The following PRKCH variants were observed in gnomAD, a reference collection of about 807,000 sequenced individuals.
PRKCH encodes protein kinase C eta, also known as protein kinase C eta type.
A neutral mutation model predicts 82.5 loss-of-function variants in PRKCH; 28 were observed. The observed-to-expected ratio is 0.34, with a 90% CI of 0.25 to 0.47. The LOEUF (loss-of-function observed/expected upper bound fraction) is 0.47. Among genes scored for constraint, PRKCH ranks in the 20% least tolerant of loss-of-function variants. PRKCH has a pLI of 1.00. For synonymous variants in PRKCH, 322 were observed against 327.4 expected, an observed-to-expected ratio of 0.98 and a Z score of 0.18; for missense variants, 705 against 881.8, an observed-to-expected ratio of 0.80 and a Z score of 2.54.
At chr14:61,290,575 C>T (rs2045352590) in intron 1 of PRKCH, among the ~76,000 whole-genome samples, 1 of 152,164 alleles carries the variant, frequency 6.6e-6, no homozygotes, top group African/African-American at 2.4e-5. Context: ...AAGATGTCCT[C>T]TGAGGGGCAG....
intron 2 of PRKCH, among the ~76,000 whole-genome samples, chr14:61,427,009 C>T (rs570082130): frequency 2.5e-4 from 38 of 152,306 alleles, no homozygotes; most frequent in African/African-American, 6.0e-4. Context: ...GCCCAAGGCA[C>T]AGTCTCAAGA....
intron 1 of PRKCH, among the ~76,000 whole-genome samples, chr14:61,210,318 AAAATAAAT>A (rs1186785328): frequency 1.3e-5 from 2 of 151,158 alleles, no homozygotes; most frequent in African/African-American, 4.9e-5. Context: ...GGTCTCAGAA[AAAATAAAT>A]AAATAAAATG....
At chr14:61,528,832 G>A (rs2043005416) in intron 10 of PRKCH, 1 of 323,284 alleles carries the variant, frequency 3.1e-6, no homozygotes, top group South Asian at 4.8e-5. Flanking sequence ...CCTGTGGTCA[G>A]CCCATTCTTA....
At chr14:61,268,862 T>C (rs184789528) in intron 1 of PRKCH, among the ~76,000 whole-genome samples, 6 of 152,326 alleles carry the variant, frequency 3.9e-5, no homozygotes, top group African/African-American at 1.4e-4. Flanking sequence ...GGCTTTCTGC[T>C]CCAGAAAGAA....
At chr14:61,355,228 A>G (rs1453832820) in intron 1 of PRKCH, among the ~76,000 whole-genome samples, 1 of 152,186 alleles carries the variant, frequency 6.6e-6, no homozygotes, top group Non-Finnish European at 1.5e-5. Flanking sequence ...TTCTGCTAAA[A>G]CTGTTGCTTT....
intron 1 of PRKCH, among the ~76,000 whole-genome samples, chr14:61,377,519 T>G (rs1164939685): frequency 6.6e-6 from 1 of 152,230 alleles, no homozygotes; most frequent in East Asian, 1.9e-4. Context: ...GCAACAGAGA[T>G]GGGCAGATCT....
At chr14:61,320,837 T>A (rs982974098), upstream of PRKCH, among the ~76,000 whole-genome samples, 1 of 152,212 alleles carries the variant, frequency 6.6e-6, no homozygotes, top group African/African-American at 2.4e-5. Flanking sequence ...CGCGTGTGTG[T>A]TGGGGACAGC....
chr14:61,281,847 C>G (rs1488881150), intron 1 of PRKCH: 1 of 137,612 alleles, frequency 7.3e-6, no homozygotes, highest in African/African-American at 2.8e-5. Flanking sequence ...GTTTCGAATT[C>G]AACGCCTGCG....
intron 1 of PRKCH, among the ~76,000 whole-genome samples, chr14:61,250,771 T>G (rs1224905820): frequency 2.0e-5 from 3 of 152,154 alleles, no homozygotes; most frequent in Non-Finnish European, 4.4e-5. Context: ...TCATCGATTG[T>G]AACAAATGTA....
rs72712380 is a variant in PRKCH at position 61,535,528 on chromosome 14, C to T, written c.1761+4933C>T. 6.1e-3 allele frequency among the ~76,000 whole-genome samples: 933 copies of T among 152,210 alleles called. 4 individuals carry two copies. The highest frequency in any genetic ancestry group is 9.0e-3 in the Non-Finnish European group (612 of 68,010). ...AAAGGAGCAGTCCATTTGAGTAGCT[C>T]AATGGCAGGCGGGTTGGAGTGTGAT... On this transcript the variant is annotated intron_variant, in intron 12 of 13. Transcript: ENST00000332981.
At chr14:61,195,732 T>A (rs1364772653) in intron 1 of PRKCH, among the ~76,000 whole-genome samples, 1 of 152,232 alleles carries the variant, frequency 6.6e-6, no homozygotes, top group East Asian at 1.9e-4. Context: ...GGTTGCTTCC[T>A]GGCTTGTAGA....
chr14:61,360,513 A>G (rs543118831), intron 1 of PRKCH, among the ~76,000 whole-genome samples: 83 of 152,126 alleles, frequency 5.5e-4, no homozygotes, highest in African/African-American at 1.8e-3. Flanking sequence ...TCAAAAAAAA[A>G]GAAAAAAGAA....
At chr14:61,296,824 T>A (rs1212238803) in intron 1 of PRKCH, among the ~76,000 whole-genome samples, 1 of 152,224 alleles carries the variant, frequency 6.6e-6, no homozygotes, top group African/African-American at 2.4e-5. Flanking sequence ...TTCAGGTGAT[T>A]GAAGAGTGAA....
intron 12 of PRKCH, among the ~76,000 whole-genome samples, chr14:61,542,064 C>T (rs1004185483): frequency 1.3e-5 from 2 of 151,674 alleles, no homozygotes; most frequent in Non-Finnish European, 1.5e-5. Flanking sequence ...CCGAGGCAGG[C>T]GGATCACTTG....
At chr14:61,369,097 C>T (rs571603892) in intron 1 of PRKCH, among the ~76,000 whole-genome samples, 2 of 152,232 alleles carry the variant, frequency 1.3e-5, no homozygotes, top group South Asian at 4.1e-4. Flanking sequence ...GCAAAATACA[C>T]CATTGGCTGA....
chr14:61,259,638 T>C (rs1485919911), intron 1 of PRKCH, among the ~76,000 whole-genome samples: 1 of 152,230 alleles, frequency 6.6e-6, no homozygotes. Context: ...CACATTATAC[T>C]GTGAGAAACA....
At chr14:61,533,127 A>G (rs2043061672) in intron 12 of PRKCH, among the ~76,000 whole-genome samples, 1 of 152,190 alleles carries the variant, frequency 6.6e-6, no homozygotes, top group African/African-American at 2.4e-5. Context: ...TTGCTTGTAA[A>G]ATAGAGGTAA....
intron 2 of PRKCH, among the ~76,000 whole-genome samples, chr14:61,431,245 G>A (rs1424125763): frequency 6.6e-6 from 1 of 152,206 alleles, no homozygotes; most frequent in Non-Finnish European, 1.5e-5. Context: ...CCCTTCCCAA[G>A]TGCTGGCAGG....
chr14:61,352,177 A>G (rs1182341018), intron 1 of PRKCH, among the ~76,000 whole-genome samples: 6 of 152,144 alleles, frequency 3.9e-5, no homozygotes, highest in Non-Finnish European at 2.9e-5. Context: ...ATTAATCACC[A>G]AGGTCTTTTC....
Sources: allele counts gnomAD v4.1 joint callset (sites outside exome capture counted in the v4.1 genomes callset), GRCh38; gene constraint gnomAD v4.1.1; transcripts MANE v1.5; gene names NCBI Gene and HGNC (gene_info 2026-07-23, HGNC 2026-07-21).